Variants in TRIM71 observed in about 807,000 individuals in gnomAD.
TRIM71 encodes the protein E3 ubiquitin-protein ligase TRIM71.
TRIM71 carries 9 observed loss-of-function variants against 61.2 expected under a neutral mutation model. The ratio of observed to expected loss-of-function variants is 0.15; its 90% CI spans 0.09 to 0.26. The LOEUF is 0.26. TRIM71 is among the 10% of genes least tolerant of loss of function. The pLI is 1.00. For synonymous variants in TRIM71, 645 were observed against 553.2 expected (o/e 1.17, Z -2.33); for missense variants, 998 against 1,238.7 (o/e 0.81, Z 2.92).
At chr3:32,865,186 G>T (rs374502848) in intron 1 of TRIM71, among the ~76,000 whole-genome samples, 120 of 152,158 alleles carry the variant, frequency 7.9e-4, no homozygotes, top group African/African-American at 2.8e-3. Context: ...AAAATTAGCT[G>T]GGTGTGGTGG....
chr3:32,855,708 G>A (rs1696592694), intron 1 of TRIM71, among the ~76,000 whole-genome samples: 1 of 152,166 alleles, frequency 6.6e-6, no homozygotes, highest in Admixed American at 6.5e-5. Context: ...GGAGACCCTG[G>A]CTGAGAGAGA....
At chr3:32,886,823 C>T (rs1158086307) in intron 3 of TRIM71, among the ~76,000 whole-genome samples, 1 of 152,176 alleles carries the variant, frequency 6.6e-6, no homozygotes, top group Non-Finnish European at 1.5e-5. Flanking sequence ...ACTTTGCTAA[C>T]TACTGGGCCC....
intron 3 of TRIM71, among the ~76,000 whole-genome samples, chr3:32,887,481 C>CT (rs10615630): frequency 0.03 from 3,322 of 109,966 alleles, 142 homozygotes; most frequent in East Asian, 0.19. Flanking sequence ...TAATTACTGA[C>CT]TTTTTTTTTT....
At position 32,818,021 on chromosome 3, in the gene TRIM71, C is replaced by A; in HGVS notation, c.-60C>A. ...GACTCCCCCACCCACCTCGTCCGCT[C>A]TCTCCTCCTCCTCCTCCTCTTCCTC... is the stretch of plus-strand genomic sequence containing the variant. On this transcript the variant is annotated 5_prime_UTR_variant, in exon 1 of 4. Transcript: ENST00000383763. 6.5e-7 allele frequency: 1 copy of A among 1,534,310 alleles called. No individual in the cohort carries two copies. Among genetic ancestry groups the A allele is most frequent in the Non-Finnish European group, 9.0e-7 (1 of 1,116,704 alleles).
At chr3:32,867,168 A>G (rs769772888) in intron 1 of TRIM71, among the ~76,000 whole-genome samples, 4 of 151,008 alleles carry the variant, frequency 2.6e-5, no homozygotes, top group Admixed American at 6.6e-5. Context: ...TCCCACTTTT[A>G]CCACCCCCCT....
At chr3:32,834,919 A>G (rs186836354) in intron 1 of TRIM71, among the ~76,000 whole-genome samples, 226 of 152,338 alleles carry the variant, frequency 1.5e-3, no homozygotes, top group Non-Finnish European at 2.4e-3. Flanking sequence ...ATCTGAGCGC[A>G]TAATTTGTCT....
chr3:32,839,671 G>T lies in TRIM71; in HGVS notation c.852+20739G>T, dbSNP rs1269583753. On this transcript the variant is annotated intron_variant, in intron 1 of 3. Coordinates refer to ENST00000383763, the MANE Select transcript of TRIM71 (RefSeq NM_001039111.3). ...TTATTGAGCTTTTTTTGGGGGGGGG[G>T]TGGGGGTGGGGTCCCTTATCGCTTT... 7.5e-5 allele frequency among the ~76,000 whole-genome samples: 9 copies of T among 120,528 alleles called. No individual in the cohort carries two copies. The South Asian group carries it at 2.7e-3, about 36-fold the overall frequency. 79.1% of individuals were successfully genotyped at this position (120,528 alleles called of 152,430 possible).
intron 1 of TRIM71, among the ~76,000 whole-genome samples, chr3:32,871,940 G>C (rs1041996743): frequency 6.6e-6 from 1 of 152,180 alleles, no homozygotes; most frequent in African/African-American, 2.4e-5. Flanking sequence ...TCAGAAGATC[G>C]AGACCATCCT....
Position 32,893,887 on chromosome 3 carries a change from G to A in TRIM71, c.*2076G>A, listed in dbSNP as rs1697053001. 1 of 152,082 alleles carries A rather than the reference G, an allele frequency of 6.6e-6. No homozygotes were observed. The highest frequency in any genetic ancestry group is 2.1e-4 in the South Asian group (1 of 4,822). The allele number at this position is 152,082 out of a possible 1,614,324, so 9.4% of individuals were successfully genotyped here. A position where few individuals can be genotyped will look rare whatever the true frequency, so the allele number is the denominator to read the frequency against. On this transcript the variant is annotated 3_prime_UTR_variant, in exon 4 of 4. Coordinates refer to ENST00000383763, the MANE Select transcript of TRIM71 (RefSeq NM_001039111.3). Reference sequence around the variant, plus strand: ...AAAAAAAACCTCATCTCACAGAGGAGAACTGCATGCAATAAAAGATTCAAA... The same window carrying A: ...AAAAAAAACCTCATCTCACAGAGGAAAACTGCATGCAATAAAAGATTCAAA...
intron 1 of TRIM71, among the ~76,000 whole-genome samples, chr3:32,863,166 CTT>C (rs1054696010): frequency 5.1e-5 from 7 of 138,550 alleles, no homozygotes; most frequent in African/African-American, 1.9e-4. Flanking sequence ...TCTCCCCTCA[CTT>C]TTGGGAGGGA....
At chr3:32,878,818 A>G (rs369859052) in intron 2 of TRIM71, among the ~76,000 whole-genome samples, 84 of 152,328 alleles carry the variant, frequency 5.5e-4, no homozygotes, top group African/African-American at 2.0e-3. Flanking sequence ...ATTAGTCCCT[A>G]CCAAGAGAGT....
chr3:32,818,014 G>A lies in TRIM71; in HGVS notation c.-67G>A. 7 of 1,489,204 alleles carry A rather than the reference G, an allele frequency of 4.7e-6. No homozygotes were observed. Among genetic ancestry groups the A allele is most frequent in the Non-Finnish European group, 6.5e-6 (7 of 1,081,248 alleles). The allele number at this position is 1,489,204 out of a possible 1,614,324, so 92.2% of individuals were successfully genotyped here. A position where few individuals can be genotyped will look rare whatever the true frequency, so the allele number is the denominator to read the frequency against. ...AGTCGGTGACTCCCCCACCCACCTC[G>A]TCCGCTCTCTCCTCCTCCTCCTCCT... On this transcript the variant is annotated 5_prime_UTR_variant, in exon 1 of 4. Transcript: ENST00000383763.
In TRIM71 at chr3:32,891,529, C is replaced by G. The variant is rs771468456; in HGVS notation, c.2325C>G (p.His775Gln). Residue 775 changes from histidine (H) to glutamine (Q), a missense_variant, in exon 4 of 4, where the codon CAC becomes CAG. By Grantham distance (24) the His-to-Gln change is conservative. Around this residue, in one of 5 missense-constraint regions of TRIM71, gnomAD observed 95 missense variants for 159.0 expected, o/e 0.60. Transcript: ENST00000383763. This position sits in a 1 kb window ranked among gnomAD's most constrained non-coding sequence, Gnocchi z 8.2. ...DFNNHRLLVIHPDCQSARFLG... is the reference protein window; with the variant it reads ...DFNNHRLLVIQPDCQSARFLG... ...ACAACCACCGGCTCCTGGTTATTCA[C>G]CCCGACTGCCAGTCGGCACGCTTTC... 2 of 1,613,276 alleles carry G rather than the reference C, an allele frequency of 1.2e-6. No homozygotes were observed. The highest frequency in any genetic ancestry group is 1.3e-5 in the African/African-American group (1 of 74,924).
intron 2 of TRIM71, among the ~76,000 whole-genome samples, chr3:32,875,137 G>A (rs1195652598): frequency 6.6e-6 from 1 of 152,152 alleles, no homozygotes; most frequent in African/African-American, 2.4e-5. Context: ...TTTTTAGACA[G>A]AGACCTTTGT....
intron 1 of TRIM71, among the ~76,000 whole-genome samples, chr3:32,873,443 T>C (rs528090630): frequency 7.9e-5 from 12 of 152,244 alleles, no homozygotes; most frequent in African/African-American, 2.9e-4. Flanking sequence ...GGTAACACAG[T>C]CTTAACAACT....
At chr3:32,844,095 GCGTCGT>G (rs1211946499) in intron 1 of TRIM71, among the ~76,000 whole-genome samples, 1 of 152,090 alleles carries the variant, frequency 6.6e-6, no homozygotes, top group Non-Finnish European at 1.5e-5. Flanking sequence ...ATGCTTTCTC[GCGTCGT>G]CGTTATTTTG....
intron 1 of TRIM71, among the ~76,000 whole-genome samples, chr3:32,859,734 T>G (rs1575351436): frequency 6.6e-6 from 1 of 152,302 alleles, no homozygotes; most frequent in Non-Finnish European, 1.5e-5. Context: ...TCACTTGGTC[T>G]TTGCTTACAT....
At chr3:32,830,515 G>A (rs534414121) in intron 1 of TRIM71, among the ~76,000 whole-genome samples, 7 of 152,220 alleles carry the variant, frequency 4.6e-5, no homozygotes, top group Middle Eastern at 3.4e-3. Context: ...CCAGATTGCC[G>A]GGAATGGAGC....
Position 32,891,681 on chromosome 3 carries a change from G to C in TRIM71, c.2477G>C (p.Ser826Thr), listed in dbSNP as rs1697026535. ...HRVQMFESNG[S>T]FLCKFGAQGS... Reference sequence around the variant, plus strand: ...GTACAGATGTTTGAATCCAACGGCAGCTTCCTGTGCAAGTTTGGTGCTCAA... The same window carrying C: ...GTACAGATGTTTGAATCCAACGGCACCTTCCTGTGCAAGTTTGGTGCTCAA... Residue 826 changes from serine to threonine, a missense_variant, in exon 4 of 4, where the codon AGC becomes ACC. Ser to Thr is a moderately conservative substitution (Grantham distance 58, BLOSUM62 1). Coordinates refer to ENST00000383763, the MANE Select transcript of TRIM71 (RefSeq NM_001039111.3). This position sits in a 1 kb window ranked among gnomAD's most constrained non-coding sequence, Gnocchi z 8.2. The C allele has an allele frequency of 1.2e-6, 2 of 1,613,936 alleles. No homozygotes were observed. The highest frequency in any genetic ancestry group is 1.3e-5 in the African/African-American group (1 of 74,942).
Sources: gnomAD v4.1 joint callset for allele counts (sites outside exome capture counted in the v4.1 genomes callset) on GRCh38, gnomAD v4.1.1 for gene constraint, gnomAD v4.1.1 regional missense constraint, Gnocchi (gnomAD v3.1) non-coding constraint, MANE v1.5 for transcripts, NCBI Gene and HGNC (gene_info 2026-07-23, HGNC 2026-07-21) for gene names.